Variants in ABLIM1 observed in about 807,000 individuals in gnomAD.
The protein encoded by ABLIM1 is actin binding LIM protein 1, also known as actin-binding LIM protein 1.
In ABLIM1, 40 loss-of-function variants were observed where a neutral mutation model predicts 107.0. The ratio of observed to expected loss-of-function variants is 0.37; its 90% CI spans 0.29 to 0.49. ABLIM1 has a LOEUF of 0.49. Ranked by LOEUF, ABLIM1 falls within the 20% of genes least tolerant of loss-of-function variation. The pLI is 0.97. For synonymous variants in ABLIM1, 357 were observed against 357.3 expected (o/e 1.00, Z 0.01); for missense variants, 857 against 1,008.5 (o/e 0.85, Z 2.04).
chr10:114,502,182 T>A (rs2060513307), intron 6 of ABLIM1: 1 of 172,110 alleles, frequency 5.8e-6, no homozygotes, highest in Admixed American at 5.7e-5. Context: ...GCATGAAACA[T>A]CATCCTCTCA....
At chr10:114,644,899 A>T (rs1301027035) in intron 1 of ABLIM1, among the ~76,000 whole-genome samples, 1 of 152,188 alleles carries the variant, frequency 6.6e-6, no homozygotes, top group African/African-American at 2.4e-5. Flanking sequence ...GCCTCCCCTC[A>T]AACTAAACTG....
rs1432788824 is a variant in ABLIM1, at chr10:114,498,832, T to C, written c.895-6954A>G. 2.0e-5 allele frequency among the ~76,000 whole-genome samples: 3 copies of C among 152,192 alleles called. No homozygotes were observed. In the East Asian group the frequency reaches 5.8e-4, roughly 29 times the overall value. On this transcript the variant is annotated intron_variant, in intron 6 of 22. Transcript: ENST00000533213. ...AACTGATAGGCTGCCAAAGTCTCAC[T>C]GTTTGAAAAAATGGCCACACACACT...
intron 6 of ABLIM1, among the ~76,000 whole-genome samples, chr10:114,513,227 C>G (rs2475233): frequency 4.6e-5 from 7 of 151,942 alleles, no homozygotes; most frequent in African/African-American, 1.7e-4. Context: ...AACTGATAAA[C>G]GTGATGAATT....
intron 4 of ABLIM1, among the ~76,000 whole-genome samples, chr10:114,550,505 C>T (rs2067931998): frequency 6.6e-6 from 1 of 152,010 alleles, no homozygotes; most frequent in Admixed American, 6.6e-5. Flanking sequence ...TTAGCAACAT[C>T]CCCCACCAGA....
chr10:114,601,742 G>A (rs2076024392), intron 2 of ABLIM1, 85 bp downstream of exon 2: 2 of 1,590,174 alleles, frequency 1.3e-6, no homozygotes, highest in Non-Finnish European at 1.7e-6. Flanking sequence ...CCAGTGACCG[G>A]ATGTGGAGTT....
At chr10:114,583,466 CACATATATATATATATATATATATATAT>C (rs2073820394) in intron 2 of ABLIM1, among the ~76,000 whole-genome samples, 1 of 7,090 alleles carries the variant, frequency 1.4e-4, no homozygotes, top group Non-Finnish European at 2.8e-4. Flanking sequence ...CACACACACA[CACATATATATATATATATATATATATAT>C]ATATATATAT....
intron 19 of ABLIM1, 92 bp from the exon 20 acceptor site, chr10:114,440,181 C>T (rs1471579462): frequency 7.8e-7 from 1 of 1,289,922 alleles, no homozygotes; most frequent in Admixed American, 1.7e-5. Flanking sequence ...AAATTCCCAA[C>T]ATATTCGCCC....
At chr10:114,676,585 A>G (rs900580956) in intron 1 of ABLIM1, among the ~76,000 whole-genome samples, 3 of 152,178 alleles carry the variant, frequency 2.0e-5, no homozygotes, top group African/African-American at 7.2e-5. Flanking sequence ...TGGTATTCCC[A>G]AGAAACTCGG....
chr10:114,779,559 T>C, the ABLIM1 span: 1 of 152,216 alleles, frequency 6.6e-6, no homozygotes, highest in African/African-American at 2.4e-5. Context: ...ATATATACAT[T>C]ATGTGTGTGT....
the ABLIM1 span, among the ~76,000 whole-genome samples, chr10:114,789,895 C>T: frequency 3.0e-4 from 46 of 151,836 alleles, no homozygotes; most frequent in African/African-American, 1.1e-3. Flanking sequence ...TGGGTTCAAG[C>T]GATTCTCCTG....
chr10:114,471,143 C>T lies in ABLIM1; in HGVS notation c.1275+1834G>A, dbSNP rs2066458438. On this transcript the variant is annotated intron_variant, in intron 10 of 22. Coordinates refer to ENST00000533213, the MANE Select transcript of ABLIM1 (RefSeq NM_002313.7). ...GTCTCAAGCAATCCACCCACCTTGGCCTTGGCCTCCTAAAGTGCTGGTATT... is the reference window on the plus strand; with the variant it reads ...GTCTCAAGCAATCCACCCACCTTGGTCTTGGCCTCCTAAAGTGCTGGTATT... 2.0e-5 allele frequency among the ~76,000 whole-genome samples: 3 copies of T among 152,202 alleles called. No individual in the cohort carries two copies. The South Asian group carries it at 6.2e-4, about 32-fold the overall frequency.
chr10:114,545,044 A>G lies in ABLIM1; in HGVS notation c.855T>C (p.Cys285=), dbSNP rs1290178781. ...CTGTGATAAACTGGTGACACGCCTC[A>G]CATTTCACCCCAAAGAGTCCCTGGT... ...KDYQGLFGVK[C]EACHQFITGK... The change falls in exon 6 of 23, where the codon TGT becomes TGC. Residue 285 remains cysteine, a synonymous_variant. Transcript: ENST00000533213. 5 of 1,614,160 alleles carry G rather than the reference A, an allele frequency of 3.1e-6. No individual in the cohort carries two copies. In the Admixed American group the frequency reaches 8.3e-5, roughly 27 times the overall value.
chr10:114,659,377 T>C (rs1160945893), upstream of ABLIM1, among the ~76,000 whole-genome samples: 1 of 149,322 alleles, frequency 6.7e-6, no homozygotes, highest in Non-Finnish European at 1.5e-5. Context: ...ATTGGCCAAG[T>C]GTGGTGTCAT....
chr10:114,572,257 G>A (rs993618693), intron 3 of ABLIM1, among the ~76,000 whole-genome samples: 3 of 152,168 alleles, frequency 2.0e-5, no homozygotes, highest in Non-Finnish European at 2.9e-5. Flanking sequence ...ATTAGGAAAC[G>A]TGAAACTCAC....
At chr10:114,453,219 T>C (rs2062158128) in intron 13 of ABLIM1, among the ~76,000 whole-genome samples, 160 bp downstream of exon 13, 2 of 152,194 alleles carry the variant, frequency 1.3e-5, no homozygotes, top group Non-Finnish European at 2.9e-5. Context: ...ATTTAACACA[T>C]AAAACTTTTG....
chr10:114,593,504 T>C (rs1262317216), intron 2 of ABLIM1, among the ~76,000 whole-genome samples: 1 of 152,124 alleles, frequency 6.6e-6, no homozygotes, highest in Non-Finnish European at 1.5e-5. Flanking sequence ...GCAGTCTCAG[T>C]GGGTTTGTAT....
rs570867890 is a variant in ABLIM1 at position 114,630,396 on chromosome 10, A to G, written c.244+27561T>C. ...CTGAGGGTTCCTGGAAGCACCCCCA[A>G]AAGAGTGGAAATATTATTAGAAGCA... On this transcript the variant is annotated intron_variant, in intron 1 of 22. Coordinates refer to ENST00000533213, the MANE Select transcript of ABLIM1 (RefSeq NM_002313.7). Among the ~76,000 whole-genome samples the G allele has an allele frequency of 6.1e-4, 93 of 152,308 alleles. 2 individuals are homozygous for G. The South Asian group carries it at 0.019, about 31-fold the overall frequency.
chr10:114,754,054 G>A (rs758189605), intron 1 of ABLIM1, among the ~76,000 whole-genome samples: 19 of 152,062 alleles, frequency 1.2e-4, no homozygotes, highest in East Asian at 7.7e-4. Flanking sequence ...GCGTTTCACC[G>A]TTGGCCAGGC....
chr10:114,675,742 A>T (rs1224987143), intron 1 of ABLIM1, among the ~76,000 whole-genome samples: 1 of 152,232 alleles, frequency 6.6e-6, no homozygotes, highest in Non-Finnish European at 1.5e-5. Flanking sequence ...CTTACACAAC[A>T]GAAACTGTCT....
Sources: gnomAD v4.1 joint callset for allele counts (sites outside exome capture counted in the v4.1 genomes callset) on GRCh38, gnomAD v4.1.1 for gene constraint, MANE v1.5 for transcripts, NCBI Gene and HGNC (gene_info 2026-07-23, HGNC 2026-07-21) for gene names.